ADAM10: variants seen among roughly 807,000 people sequenced by gnomAD.
ADAM10 encodes the protein ADAM metallopeptidase domain 10, also known as disintegrin and metalloproteinase domain-containing protein 10.
ADAM10 carries 17 observed loss-of-function variants against 90.1 expected under a neutral mutation model. That is an observed-to-expected ratio of 0.19 (90% CI 0.13 to 0.28). The LOEUF is 0.28. Among genes scored for constraint, ADAM10 ranks in the 10% least tolerant of loss-of-function variants. The pLI is 1.00. For synonymous variants in ADAM10, 310 were observed against 298.6 expected, an observed-to-expected ratio of 1.04 and a Z score of -0.40; for missense variants, 610 against 914.3, an observed-to-expected ratio of 0.67 and a Z score of 4.29.
At chr15:58,612,565 CT>C (rs1340725201) in intron 11 of ADAM10, among the ~76,000 whole-genome samples, 1 of 152,134 alleles carries the variant, frequency 6.6e-6, no homozygotes, top group Non-Finnish European at 1.5e-5. Flanking sequence ...CTTGCTGTTG[CT>C]GCACCTGGTC....
intron 11 of ADAM10, among the ~76,000 whole-genome samples, chr15:58,615,896 T>A (rs1472694675): frequency 1.3e-5 from 2 of 151,954 alleles, no homozygotes; most frequent in Admixed American, 6.6e-5. Flanking sequence ...TAGTCCCAGC[T>A]ACTAGGGAGG....
intron 1 of ADAM10, among the ~76,000 whole-genome samples, chr15:58,730,004 A>C (rs1292960063): frequency 2.4e-5 from 2 of 83,744 alleles, no homozygotes; most frequent in Non-Finnish European, 4.7e-5. Context: ...ACAAACAAAC[A>C]AAAAAAAAAA....
chr15:58,685,883 T>C (rs1276500879), intron 2 of ADAM10, among the ~76,000 whole-genome samples: 2 of 152,160 alleles, frequency 1.3e-5, no homozygotes, highest in Non-Finnish European at 2.9e-5. Context: ...GATGAATCAA[T>C]TTTGACTTTC....
At chr15:58,712,866 T>A (rs1421534445) in intron 2 of ADAM10, among the ~76,000 whole-genome samples, 4 of 151,858 alleles carry the variant, frequency 2.6e-5, no homozygotes, top group African/African-American at 9.7e-5. Context: ...CAACATGGTA[T>A]CTAAGAACAA....
At chr15:58,607,421 C>G (rs1427568492) in intron 14 of ADAM10, among the ~76,000 whole-genome samples, 1 of 152,094 alleles carries the variant, frequency 6.6e-6, no homozygotes, top group Non-Finnish European at 1.5e-5. Flanking sequence ...GAAGTTTAAA[C>G]GATTTATTTA....
chr15:58,684,085 A>C (rs1469404365), intron 2 of ADAM10, among the ~76,000 whole-genome samples: 2 of 152,146 alleles, frequency 1.3e-5, no homozygotes, highest in Admixed American at 1.3e-4. Flanking sequence ...ATAATACCTC[A>C]CACAGTATAA....
intron 2 of ADAM10, among the ~76,000 whole-genome samples, chr15:58,688,462 T>TA (rs1210070390): frequency 7.3e-6 from 1 of 136,696 alleles, no homozygotes; most frequent in South Asian, 2.3e-4. Flanking sequence ...AAACAAGGGG[T>TA]AAAAAAACCA....
intron 1 of ADAM10, among the ~76,000 whole-genome samples, chr15:58,739,520 A>T (rs912495181): frequency 4.0e-5 from 6 of 151,814 alleles, no homozygotes; most frequent in South Asian, 2.1e-4. Context: ...CCGTCTCAAA[A>T]AAATAAATAA....
chr15:58,639,967 A>T (rs1896372607), intron 8 of ADAM10, among the ~76,000 whole-genome samples: 1 of 152,054 alleles, frequency 6.6e-6, no homozygotes, highest in Admixed American at 6.6e-5. Context: ...ATAATATACT[A>T]TTGATTAAAC....
chr15:58,628,998 A>G (rs1436327491), intron 9 of ADAM10, among the ~76,000 whole-genome samples: 1 of 152,122 alleles, frequency 6.6e-6, no homozygotes, highest in East Asian at 1.9e-4. Flanking sequence ...CTATTCACCA[A>G]TATTATCTTG....
chr15:58,651,311 T>C (rs990296607), intron 5 of ADAM10, among the ~76,000 whole-genome samples: 2 of 152,170 alleles, frequency 1.3e-5, no homozygotes, highest in South Asian at 2.1e-4. Context: ...TTATTGACTA[T>C]AGTTGCCCTG....
chr15:58,600,914 C>G (rs1272890080), intron 14 of ADAM10, among the ~76,000 whole-genome samples: 3 of 152,234 alleles, frequency 2.0e-5, no homozygotes, highest in African/African-American at 7.2e-5. Flanking sequence ...TAGGGACTTA[C>G]AACAAACTGG....
At position 58,646,597 on chromosome 15, in the gene ADAM10, T is replaced by G. The variant is rs148542818; in HGVS notation, c.586-393A>C. 7.0e-3 allele frequency among the ~76,000 whole-genome samples: 1,066 copies of G among 152,306 alleles called. 8 individuals are homozygous for G. Among genetic ancestry groups the G allele is most frequent in the South Asian group, 0.014 (66 of 4,822 alleles). On this transcript the variant is annotated intron_variant, in intron 5 of 15. Coordinates refer to ENST00000260408, the MANE Select transcript of ADAM10 (RefSeq NM_001110.4). Reference sequence around the variant, plus strand: ...TACCCATTATCTCTGGCTCCACCACTCTAGCCCAAGCTACCATTACTTGTT... The same window carrying G: ...TACCCATTATCTCTGGCTCCACCACGCTAGCCCAAGCTACCATTACTTGTT...
chr15:58,685,545 AATATATATATAT>A (rs56776777), intron 2 of ADAM10, among the ~76,000 whole-genome samples: 14,963 of 116,144 alleles, frequency 0.13, 1,052 homozygotes, highest in East Asian at 0.27. Flanking sequence ...TATGAAGGAG[AATATATATATAT>A]ATATATATAT....
chr15:58,692,895 A>T lies in ADAM10; in HGVS notation c.207-10581T>A, dbSNP rs558852334. On this transcript the variant is annotated intron_variant, in intron 2 of 15. Coordinates refer to ENST00000260408, the MANE Select transcript of ADAM10 (RefSeq NM_001110.4). ...TACCAGACTTGGCAATGGCTCCCAAATTATTTATGAGATCAGCCTTGGTCA... is the reference window on the plus strand; with the variant it reads ...TACCAGACTTGGCAATGGCTCCCAATTTATTTATGAGATCAGCCTTGGTCA... 176 of 688,900 alleles carry T rather than the reference A, an allele frequency of 2.6e-4. 3 individuals are homozygous for T. Among genetic ancestry groups the T allele is most frequent in the South Asian group, 1.9e-3 (143 of 73,826 alleles). The allele number at this position is 688,900 out of a possible 1,614,324, so 42.7% of individuals were successfully genotyped here. A position where few individuals can be genotyped will look rare whatever the true frequency, so the allele number is the denominator to read the frequency against.
intron 5 of ADAM10, among the ~76,000 whole-genome samples, chr15:58,658,397 T>G (rs188697781): frequency 1.3e-3 from 204 of 152,336 alleles, no homozygotes; most frequent in African/African-American, 4.7e-3. Flanking sequence ...TTGATTACTG[T>G]AACTTTATAC....
intron 2 of ADAM10, among the ~76,000 whole-genome samples, chr15:58,688,263 C>G (rs1281766271): frequency 6.6e-6 from 1 of 152,034 alleles, no homozygotes; most frequent in Non-Finnish European, 1.5e-5. Flanking sequence ...CACAGTGGCT[C>G]ACACCTGTAG....
rs199713410 is a variant in ADAM10, at chr15:58,717,641, G to A, written c.142C>T (p.Arg48Cys). 2.5e-6 allele frequency: 4 copies of A among 1,613,770 alleles called. No homozygotes were observed. The highest frequency in any genetic ancestry group is 1.1e-5 in the South Asian group (1 of 91,072). Reference protein sequence around the residue: ...NVDSLHQKHQRAKRAVSHEDQ... With the variant: ...NVDSLHQKHQCAKRAVSHEDQ... ...TCATGTGAGACTGCTCTTTTGGCAC[G>A]CTGGTGTTTTTGGTGTAATGAATCC... The change falls in exon 2 of 16, where the codon CGT (arginine) becomes TGT (cysteine). Residue 48 changes from arginine (R) to cysteine (C), a missense_variant. This residue lies in a region of ADAM10 where 310 missense variants were observed against 362.4 expected (regional missense o/e 0.86). Coordinates refer to ENST00000260408, the MANE Select transcript of ADAM10 (RefSeq NM_001110.4).
In ADAM10 at chr15:58,611,956, G is replaced by A; in HGVS notation, c.1547C>T (p.Ala516Val). ...ACACTTCTCAGACTTTGACTTGAAT[G>A]CACACTGTGCTGTACAACAAGGACC... is the stretch of plus-strand genomic sequence containing the variant. Reference protein sequence around the residue: ...SQGPCCTAQCAFKSKSEKCRD... With the variant: ...SQGPCCTAQCVFKSKSEKCRD... The change falls in exon 12 of 16, where the codon GCA becomes GTA. Residue 516 changes from alanine to valine, a missense_variant. Physicochemically the swap from Ala to Val is moderately conservative, Grantham distance 64 (BLOSUM62 0). Transcript: ENST00000260408. The A allele has an allele frequency of 6.2e-7, 1 of 1,614,162 alleles. No individual in the cohort carries two copies. Among genetic ancestry groups the A allele is most frequent in the South Asian group, 1.1e-5 (1 of 91,080 alleles).
Sources: allele counts gnomAD v4.1 joint callset (sites outside exome capture counted in the v4.1 genomes callset), GRCh38; gene constraint gnomAD v4.1.1; regional missense constraint gnomAD v4.1.1; transcripts MANE v1.5; gene names NCBI Gene and HGNC (gene_info 2026-07-23, HGNC 2026-07-21).